The following RAP1B variants were observed in gnomAD, a reference collection of about 807,000 sequenced individuals.
RAP1B encodes the protein ras-related protein Rap-1b.
In RAP1B, 1 loss-of-function variant was observed where a neutral mutation model predicts 27.5. The ratio of observed to expected loss-of-function variants is 0.04; its 90% CI spans 0.01 to 0.17. The LOEUF is 0.17. Among genes scored for constraint, RAP1B ranks in the 10% least tolerant of loss-of-function variants. RAP1B has a pLI of 1.00. For synonymous variants in RAP1B, 75 were observed against 73.1 expected (o/e 1.03, Z -0.13); for missense variants, 84 against 214.8 (o/e 0.39, Z 3.81).
At chr12:68,626,973 A>G (rs1871837615) in intron 1 of RAP1B, 2 of 1,531,668 alleles carry the variant, frequency 1.3e-6, no homozygotes, top group East Asian at 2.2e-5. Flanking sequence ...CATGTCTTCA[A>G]ACTCATTGGC....
intron 5 of RAP1B, among the ~76,000 whole-genome samples, chr12:68,654,990 G>A (rs1474467619): frequency 6.6e-6 from 1 of 152,090 alleles, no homozygotes; most frequent in Non-Finnish European, 1.5e-5. Context: ...AAGTTTCGAA[G>A]TGGTGTTGGT....
In RAP1B at chr12:68,652,814, G is replaced by A. The variant is rs547319431; in HGVS notation, c.183+763G>A. Among the ~76,000 whole-genome samples the A allele has an allele frequency of 3.3e-5, 5 of 152,248 alleles. No individual in the cohort carries two copies. The South Asian group carries it at 1.0e-3, about 32-fold the overall frequency. On this transcript the variant is annotated intron_variant, in intron 4 of 7. Coordinates refer to ENST00000250559, the MANE Select transcript of RAP1B (RefSeq NM_001010942.3). ...AGTTATTGAAAAGTTTAGAAAATGT[G>A]TTAGAAGAAAAATTTTCAGTCTCAC...
intron 1 of RAP1B, among the ~76,000 whole-genome samples, chr12:68,611,697 T>C (rs2956530): frequency 0.99 from 150,923 of 152,246 alleles, 74,807 homozygotes; most frequent in East Asian, 1. Context: ...AGAGCCCCAC[T>C]TAGTCTGGCA....
Position 68,660,845 on chromosome 12 carries a change from A to G in RAP1B, c.*1596A>G, listed in dbSNP as rs759840704. Reference sequence around the variant, plus strand: ...GTAGGTAAAAGAGGAACGATTTAACATACTTTCATGGATGTTACACTATGG... The same window carrying G: ...GTAGGTAAAAGAGGAACGATTTAACGTACTTTCATGGATGTTACACTATGG... On this transcript the variant is annotated 3_prime_UTR_variant, in exon 8 of 8. Coordinates refer to ENST00000250559, the MANE Select transcript of RAP1B (RefSeq NM_001010942.3). 9.2e-5 allele frequency: 14 copies of G among 152,236 alleles called. No homozygotes were observed. Among genetic ancestry groups the G allele is most frequent in the Non-Finnish European group, 1.9e-4 (13 of 68,036 alleles). The allele number at this position is 152,236 out of a possible 1,614,324, so 9.4% of individuals were successfully genotyped here.
At chr12:68,647,186 G>C (rs937946800) in intron 1 of RAP1B, among the ~76,000 whole-genome samples, 3 of 152,116 alleles carry the variant, frequency 2.0e-5, no homozygotes, top group African/African-American at 7.2e-5. Context: ...GCGAGTAGCT[G>C]TGATTACAGG....
At chr12:68,627,512 G>T in intron 1 of RAP1B, 2 of 243,794 alleles carry the variant, frequency 8.2e-6, no homozygotes, top group Non-Finnish European at 8.1e-6. Context: ...CGGGCTTCTG[G>T]GCCTTCACAT....
chr12:68,642,601 A>C, intron 1 of RAP1B: 1 of 1,017,610 alleles, frequency 9.8e-7, no homozygotes, highest in Non-Finnish European at 1.6e-6. Context: ...TCAAGTCCTC[A>C]GTGGTCATCT....
At chr12:68,631,772 T>C (rs1456183182) in intron 1 of RAP1B, among the ~76,000 whole-genome samples, 1 of 152,170 alleles carries the variant, frequency 6.6e-6, no homozygotes. Flanking sequence ...ATTTTGTACA[T>C]CTCATGATAT....
intron 1 of RAP1B, among the ~76,000 whole-genome samples, chr12:68,635,494 C>T (rs571928121): frequency 4.6e-5 from 7 of 152,264 alleles, no homozygotes; most frequent in African/African-American, 1.7e-4. Flanking sequence ...GTCACTCTGT[C>T]ACCCAGGCTG....
At chr12:68,613,315 TG>T (rs1870742924) in intron 1 of RAP1B, among the ~76,000 whole-genome samples, 1 of 146,756 alleles carries the variant, frequency 6.8e-6, no homozygotes, top group African/African-American at 2.5e-5. Context: ...AGCTTGAACC[TG>T]GGAGGCGGAG....
Position 68,610,901 on chromosome 12 carries a change from C to T in RAP1B, c.-169C>T, listed in dbSNP as rs137885955. On this transcript the variant is annotated 5_prime_UTR_variant, in exon 1 of 8. Transcript: ENST00000250559. ...GGCTGAACGCCTGACGTCAAGGCGA[C>T]ATCGCCAAACCTCGCCCAGATTCAG... The T allele has an allele frequency of 2.0e-5, 6 of 299,850 alleles. No homozygotes were observed. The highest frequency in any genetic ancestry group is 8.9e-5 in the African/African-American group (4 of 44,900). 18.6% of individuals were successfully genotyped at this position (299,850 alleles called of 1,614,324 possible).
intron 1 of RAP1B, among the ~76,000 whole-genome samples, chr12:68,617,523 A>G (rs1256410571): frequency 2.6e-5 from 4 of 152,240 alleles, no homozygotes; most frequent in Admixed American, 6.5e-5. Context: ...GCTGAGTTCA[A>G]ATATGTCTTT....
intron 1 of RAP1B, among the ~76,000 whole-genome samples, chr12:68,631,332 T>A (rs1236219111): frequency 6.6e-6 from 1 of 152,204 alleles, no homozygotes; most frequent in East Asian, 1.9e-4. Context: ...CGCCAAAAAA[T>A]TACCACATAT....
At chr12:68,629,358 A>C (rs1390104812) in intron 1 of RAP1B, among the ~76,000 whole-genome samples, 1 of 152,226 alleles carries the variant, frequency 6.6e-6, no homozygotes, top group Non-Finnish European at 1.5e-5. Flanking sequence ...GGACATGGTA[A>C]GAGCTTTAAA....
At chr12:68,650,127 A>G (rs1873705165) in intron 2 of RAP1B, 1 of 209,704 alleles carries the variant, frequency 4.8e-6, no homozygotes, top group Non-Finnish European at 9.4e-6. Context: ...AAAAAAAACA[A>G]AGGACTGAAA....
rs1460462194 is a variant in RAP1B, at chr12:68,657,152, A to G, written c.520A>G (p.Lys174Glu). Residue 174 changes from lysine (K) to glutamate (E), a missense_variant, in exon 7 of 8, where the codon AAG becomes GAG. Lys to Glu is a moderately conservative substitution (Grantham distance 56, BLOSUM62 1). Coordinates refer to ENST00000250559, the MANE Select transcript of RAP1B (RefSeq NM_001010942.3). ...TAACAGAAAAACTCCAGTGCCTGGG[A>G]AGGCTCGCAAAAAGTCATCATGTCA... ...QINRKTPVPG[K>E]ARKKSSCQLL is the part of the protein sequence containing the mutation. The G allele has an allele frequency of 6.2e-7, 1 of 1,613,606 alleles. No individual in the cohort carries two copies. Among genetic ancestry groups the G allele is most frequent in the South Asian group, 1.1e-5 (1 of 91,052 alleles).
chr12:68,622,630 T>C (rs781581099), intron 1 of RAP1B, among the ~76,000 whole-genome samples: 7 of 152,218 alleles, frequency 4.6e-5, no homozygotes, highest in Non-Finnish European at 7.3e-5. Flanking sequence ...TCCTCTTCAT[T>C]ACCTCTGTAG....
In RAP1B at chr12:68,659,543, A is replaced by G. The variant is rs1874480908; in HGVS notation, c.*294A>G. The G allele has an allele frequency of 6.5e-6, 2 of 306,562 alleles. No individual in the cohort carries two copies. Among genetic ancestry groups the G allele is most frequent in the Non-Finnish European group, 6.4e-6 (1 of 155,046 alleles). 19.0% of individuals were successfully genotyped at this position (306,562 alleles called of 1,614,324 possible). On this transcript the variant is annotated 3_prime_UTR_variant, in exon 8 of 8. Coordinates refer to ENST00000250559, the MANE Select transcript of RAP1B (RefSeq NM_001010942.3). Reference sequence around the variant, plus strand: ...CATTCTTCATCCACCAATGTTGTACATGTATGAAAATGGTGTACTGTATAC... The same window carrying G: ...CATTCTTCATCCACCAATGTTGTACGTGTATGAAAATGGTGTACTGTATAC...
intron 7 of RAP1B, among the ~76,000 whole-genome samples, chr12:68,658,162 T>TA (rs1266624795): frequency 1.3e-5 from 2 of 152,258 alleles, no homozygotes; most frequent in Non-Finnish European, 2.9e-5. Flanking sequence ...TCCTGACTCT[T>TA]ATTTCTTCCT....
Sources: allele counts gnomAD v4.1 joint callset (sites outside exome capture counted in the v4.1 genomes callset), GRCh38; gene constraint gnomAD v4.1.1; transcripts MANE v1.5; gene names NCBI Gene and HGNC (gene_info 2026-07-23, HGNC 2026-07-21).